The following LCOR variants were observed in gnomAD, a reference collection of about 807,000 sequenced individuals.
The protein encoded by LCOR is ligand-dependent corepressor.
In LCOR, 14 loss-of-function variants were observed where a neutral mutation model predicts 64.4. That is an observed-to-expected ratio of 0.22 (90% CI 0.14 to 0.34). The LOEUF is 0.34. Among genes scored for constraint, LCOR ranks in the 10% least tolerant of loss-of-function variants. LCOR has a pLI of 1.00. For synonymous variants in LCOR, 643 were observed against 642.5 expected (o/e 1.00, Z -0.01); for missense variants, 1,686 against 1,765.3 (o/e 0.96, Z 0.80).
At chr10:96,873,512 A>G (rs1489401522) in intron 2 of LCOR, among the ~76,000 whole-genome samples, 1 of 151,378 alleles carries the variant, frequency 6.6e-6, no homozygotes, top group Non-Finnish European at 1.5e-5. Context: ...AATCGATTCT[A>G]TATTTGAATA....
intron 4 of LCOR, among the ~76,000 whole-genome samples, chr10:96,933,471 T>C (rs918373515): frequency 2.0e-5 from 3 of 151,968 alleles, no homozygotes; most frequent in African/African-American, 7.2e-5. Context: ...AAGTCCCTGG[T>C]TAAGTTAATA....
intron 4 of LCOR, among the ~76,000 whole-genome samples, chr10:96,924,631 G>C (rs1847137264): frequency 6.6e-6 from 1 of 151,910 alleles, no homozygotes; most frequent in Non-Finnish European, 1.5e-5. Context: ...CCTTCACCGA[G>C]ATTCACCAAT....
At chr10:96,855,390 A>C (rs992448495) in intron 2 of LCOR, among the ~76,000 whole-genome samples, 3 of 151,964 alleles carry the variant, frequency 2.0e-5, no homozygotes, top group African/African-American at 7.3e-5. Flanking sequence ...TATTACCTGG[A>C]ACCAAAAGTT....
At chr10:96,844,094 TCCC>T (rs1845586218) in intron 2 of LCOR, among the ~76,000 whole-genome samples, 1 of 20,140 alleles carries the variant, frequency 5.0e-5, no homozygotes, top group African/African-American at 2.5e-4. Flanking sequence ...CTTCCCACCC[TCCC>T]TCCCTCCCTT....
intron 2 of LCOR, among the ~76,000 whole-genome samples, chr10:96,841,222 A>T (rs1242572198): frequency 6.6e-6 from 1 of 152,230 alleles, no homozygotes; most frequent in Non-Finnish European, 1.5e-5. Flanking sequence ...TCTCACAAGA[A>T]TTTTTTAAAT....
At chr10:96,872,024 A>G (rs1384715216) in intron 2 of LCOR, among the ~76,000 whole-genome samples, 3 of 152,254 alleles carry the variant, frequency 2.0e-5, no homozygotes, top group Non-Finnish European at 2.9e-5. Flanking sequence ...GACATAGTCC[A>G]TGCCACATAG....
At chr10:96,957,490 C>T in intron 7 of LCOR, 2 of 985,262 alleles carry the variant, frequency 2.0e-6, no homozygotes, top group Non-Finnish European at 2.4e-6. Context: ...AATTCCACAC[C>T]ACATGTACTG....
intron 2 of LCOR, among the ~76,000 whole-genome samples, chr10:96,878,692 G>A (rs954899223): frequency 6.6e-6 from 1 of 152,066 alleles, no homozygotes; most frequent in South Asian, 2.1e-4. Flanking sequence ...TCATGAGATG[G>A]CCTTTCATTG....
intron 4 of LCOR, among the ~76,000 whole-genome samples, chr10:96,918,762 T>C (rs2134468636): frequency 6.6e-6 from 1 of 152,324 alleles, no homozygotes; most frequent in East Asian, 1.9e-4. Flanking sequence ...CAGGCATGAA[T>C]GCCTGAATAT....
At chr10:96,844,175 G>A (rs1845589855) in intron 2 of LCOR, among the ~76,000 whole-genome samples, 1 of 129,968 alleles carries the variant, frequency 7.7e-6, no homozygotes, top group South Asian at 2.9e-4. Flanking sequence ...CCCCAAGACA[G>A]GGGTCACTGT....
intron 2 of LCOR, among the ~76,000 whole-genome samples, chr10:96,846,549 G>C (rs1016429516): frequency 1.3e-5 from 2 of 152,162 alleles, no homozygotes; most frequent in African/African-American, 4.8e-5. Context: ...CACTGTGCCT[G>C]TCTGTACTGG....
chr10:96,853,610 TG>T (rs1589606555), intron 2 of LCOR, among the ~76,000 whole-genome samples: 1 of 152,178 alleles, frequency 6.6e-6, no homozygotes, highest in African/African-American at 2.4e-5. Flanking sequence ...GCTCCATGTC[TG>T]GGGTGATTTG....
chr10:96,979,807 A>C (rs1848067611), intron 7 of LCOR, among the ~76,000 whole-genome samples: 1 of 152,216 alleles, frequency 6.6e-6, no homozygotes, highest in Non-Finnish European at 1.5e-5. Context: ...GGATTCCTGC[A>C]TTAGCATGAC....
chr10:96,915,158 AC>A (rs1461655166), intron 4 of LCOR, among the ~76,000 whole-genome samples: 1 of 152,180 alleles, frequency 6.6e-6, no homozygotes, highest in African/African-American at 2.4e-5. Flanking sequence ...TCTATTAGTG[AC>A]CTATGCCCCT....
At chr10:96,889,104 G>A (rs1034918630) in intron 2 of LCOR, among the ~76,000 whole-genome samples, 2 of 152,134 alleles carry the variant, frequency 1.3e-5, no homozygotes, top group Non-Finnish European at 2.9e-5. Context: ...TAATTGTATA[G>A]CATTTTGATC....
Position 96,833,489 on chromosome 10 carries a change from C to T in LCOR, c.-330+10C>T. 2.0e-6 allele frequency: 2 copies of T among 983,362 alleles called. No homozygotes were observed. The highest frequency in any genetic ancestry group is 2.4e-6 in the Non-Finnish European group (2 of 827,626). The allele number at this position is 983,362 out of a possible 1,614,324, so 60.9% of individuals were successfully genotyped here. A position where few individuals can be genotyped will look rare whatever the true frequency, so the allele number is the denominator to read the frequency against. ...AACCCCCCTCCAAAAAGTAAGTGGC[C>T]CGTGTGGTGTCTCCGCTCCGCCCGC... On this transcript the variant is annotated intron_variant, in intron 2 of 7. Coordinates refer to ENST00000421806, the MANE Select transcript of LCOR (RefSeq NM_001346516.2).
chr10:96,934,493 A>AT (rs1847314451), intron 4 of LCOR, among the ~76,000 whole-genome samples: 1 of 152,230 alleles, frequency 6.6e-6, no homozygotes, highest in Non-Finnish European at 1.5e-5. Flanking sequence ...ATTATATAAC[A>AT]GAGCCACTTC....
chr10:96,839,432 G>A (rs764515378), intron 2 of LCOR, among the ~76,000 whole-genome samples: 2 of 152,058 alleles, frequency 1.3e-5, no homozygotes, highest in African/African-American at 4.8e-5. Context: ...AGCCAGGTGC[G>A]GTGTCTCACA....
At chr10:96,890,846 T>C (rs1039142136) in intron 2 of LCOR, among the ~76,000 whole-genome samples, 7 of 152,198 alleles carry the variant, frequency 4.6e-5, no homozygotes, top group Non-Finnish European at 2.9e-5. Flanking sequence ...ATGGTGACTT[T>C]TTTTCAACTG....
Sources: allele counts gnomAD v4.1 joint callset (sites outside exome capture counted in the v4.1 genomes callset), GRCh38; gene constraint gnomAD v4.1.1; transcripts MANE v1.5; gene names NCBI Gene and HGNC (gene_info 2026-07-23, HGNC 2026-07-21).